Variants in GOLGA3 observed in about 807,000 individuals in gnomAD.
GOLGA3 encodes the protein golgin subfamily A member 3.
GOLGA3 carries 75 observed loss-of-function variants against 169.4 expected under a neutral mutation model. The ratio of observed to expected loss-of-function variants is 0.44; its 90% CI spans 0.37 to 0.54. GOLGA3 has a LOEUF of 0.54. GOLGA3 is among the 20% of genes least tolerant of loss of function. The pLI, the probability that GOLGA3 is intolerant of heterozygous loss-of-function variation, is 0.00. For synonymous variants in GOLGA3, 824 were observed against 822.4 expected (o/e 1.00, Z -0.03); for missense variants, 1,899 against 1,930.0 (o/e 0.98, Z 0.30).
intron 1 of GOLGA3, among the ~76,000 whole-genome samples, chr12:132,823,803 C>T (rs1013710883): frequency 1.4e-5 from 2 of 147,508 alleles, no homozygotes; most frequent in African/African-American, 5.0e-5. Context: ...AAAAAAAGGG[C>T]TGCGTGTGAT....
Position 132,821,981 on chromosome 12 carries a change from A to AAC in GOLGA3, c.133+13_133+14dup. On this transcript the variant is annotated intron_variant, in intron 2 of 23. Transcript: ENST00000450791. ...TCCTCCTGTGACCAGCACACAGAGG[A>AAC]ACCTCACGACTTACACTGGACTTTG... 6.3e-7 allele frequency: 1 copy of AAC among 1,579,720 alleles called. No individual in the cohort carries two copies. The highest frequency in any genetic ancestry group is 8.6e-7 in the Non-Finnish European group (1 of 1,161,422).
chr12:132,795,849 T>C lies in GOLGA3; in HGVS notation c.2469+3A>G, dbSNP rs1948801066. ...CAAAACAAAACACAGCAGAATGCATTACCTGGCCGGATTTGATAGCTAATT... is the reference window on the plus strand; with the variant it reads ...CAAAACAAAACACAGCAGAATGCATCACCTGGCCGGATTTGATAGCTAATT... On this transcript the variant is annotated splice_donor_region_variant and intron_variant, in intron 11 of 23. Coordinates refer to ENST00000450791, the MANE Select transcript of GOLGA3 (RefSeq NM_001389683.1). 1.2e-6 allele frequency: 2 copies of C among 1,610,124 alleles called. No homozygotes were observed. Among genetic ancestry groups the C allele is most frequent in the African/African-American group, 1.3e-5 (1 of 74,822 alleles).
In GOLGA3 at chr12:132,798,433, G is replaced by C. The variant is rs775013066; in HGVS notation, c.1845C>G (p.Leu615=). ...GCTGCTGGGACAGGGACACATTCTCGAGTTTCAGGTGCTCCAGGAGACCTG... is the reference window on the plus strand; with the variant it reads ...GCTGCTGGGACAGGGACACATTCTCCAGTTTCAGGTGCTCCAGGAGACCTG... ...TQAGLLEHLK[L]ENVSLSQQLT... is the part of the protein sequence containing the mutation. The change falls in exon 9 of 24, where the codon CTC becomes CTG. Residue 615 remains leucine (L), a synonymous_variant. Coordinates refer to ENST00000450791, the MANE Select transcript of GOLGA3 (RefSeq NM_001389683.1). 8.1e-6 allele frequency: 13 copies of C among 1,613,214 alleles called. No individual in the cohort carries two copies. Among genetic ancestry groups the C allele is most frequent in the Non-Finnish European group, 1.1e-5 (13 of 1,179,598 alleles).
chr12:132,791,846 C>T (rs1374195425), intron 11 of GOLGA3, among the ~76,000 whole-genome samples: 1 of 138,414 alleles, frequency 7.2e-6, no homozygotes, highest in Non-Finnish European at 1.6e-5. Flanking sequence ...GACACATCTG[C>T]AGAGTTGTTA....
intron 6 of GOLGA3, among the ~76,000 whole-genome samples, chr12:132,806,343 C>T (rs1376763753): frequency 6.6e-6 from 1 of 152,246 alleles, no homozygotes; most frequent in Non-Finnish European, 1.5e-5. Context: ...CGGAGGGAGG[C>T]TCACGCTGTA....
intron 12 of GOLGA3, among the ~76,000 whole-genome samples, chr12:132,790,986 G>A (rs1389815997): frequency 1.5e-5 from 2 of 137,036 alleles, no homozygotes; most frequent in African/African-American, 5.5e-5. Flanking sequence ...GGGAGGCAGA[G>A]CTTGCAGTGA....
chr12:132,802,812 T>C (rs1030054925), intron 7 of GOLGA3, among the ~76,000 whole-genome samples: 3 of 151,990 alleles, frequency 2.0e-5, no homozygotes, highest in African/African-American at 7.3e-5. Context: ...TCCCAGCACT[T>C]TGGGAGGCTG....
chr12:132,786,808 G>GT, intron 13 of GOLGA3, 21 bp from the exon 14 acceptor site: 1 of 1,524,262 alleles, frequency 6.6e-7, no homozygotes, highest in Non-Finnish European at 9.1e-7. Flanking sequence ...GAAGGAGGGC[G>GT]TGAGGAGCGG....
chr12:132,790,319 G>A (rs2046162014), intron 12 of GOLGA3, among the ~76,000 whole-genome samples: 1 of 152,136 alleles, frequency 6.6e-6, no homozygotes, highest in Non-Finnish European at 1.5e-5. Flanking sequence ...GGGGTACAGA[G>A]CGAGACTTCA....
In GOLGA3 at chr12:132,804,854, G is replaced by C. The variant is rs1248465300; in HGVS notation, c.1459C>G (p.Leu487Val). The change falls in exon 7 of 24, where the codon CTG (leucine) becomes GTG (valine). Residue 487 changes from leucine to valine, a missense_variant. Physicochemically the swap from Leu to Val is conservative, Grantham distance 32 (BLOSUM62 1). Transcript: ENST00000450791. The surrounding 1 kb of genome is among the most constrained non-coding windows in gnomAD (Gnocchi z 4.1). ...TTTTTTGCCTCCAGCATGTTCTGCAGGTCAGTCATGGCTCGCTCCAGGTCC... is the reference window on the plus strand; with the variant it reads ...TTTTTTGCCTCCAGCATGTTCTGCACGTCAGTCATGGCTCGCTCCAGGTCC... ...CWDLERAMTD[L>V]QNMLEAKNAS... 2 of 1,614,064 alleles carry C rather than the reference G, an allele frequency of 1.2e-6. No homozygotes were observed. Among genetic ancestry groups the C allele is most frequent in the African/African-American group, 2.7e-5 (2 of 74,944 alleles).
intron 8 of GOLGA3, 69 bp downstream of exon 8, chr12:132,801,698 A>T: frequency 7.0e-7 from 1 of 1,426,986 alleles, no homozygotes; most frequent in Non-Finnish European, 9.7e-7. Context: ...GAAAAATCTC[A>T]GGAAAAAGCA....
chr12:132,781,411 T>G (rs1266488167), intron 17 of GOLGA3, among the ~76,000 whole-genome samples: 1 of 151,484 alleles, frequency 6.6e-6, no homozygotes, highest in Non-Finnish European at 1.5e-5. Flanking sequence ...TATGAAAAAT[T>G]AGCTGGGCGC....
chr12:132,803,149 A>C (rs1405476106), intron 7 of GOLGA3, among the ~76,000 whole-genome samples: 1 of 152,196 alleles, frequency 6.6e-6, no homozygotes, highest in Non-Finnish European at 1.5e-5. Flanking sequence ...TACCCCCCAA[A>C]GCACAAACAT....
intron 16 of GOLGA3, among the ~76,000 whole-genome samples, chr12:132,783,519 G>A (rs1206146732): frequency 2.6e-5 from 4 of 152,248 alleles, no homozygotes; most frequent in African/African-American, 9.6e-5. Flanking sequence ...GGGGGGCGCC[G>A]GGACACTGAG....
chr12:132,791,413 T>A, intron 11 of GOLGA3, 120 bp from the exon 12 acceptor site: 2 of 596,336 alleles, frequency 3.4e-6, no homozygotes, highest in East Asian at 5.8e-5. Context: ...TACAGAGAGC[T>A]CCAGGAGGGG....
Position 132,801,752 on chromosome 12 carries a change from A to AG in GOLGA3, c.1800+14dup. 2 of 1,607,534 alleles carry AG rather than the reference A, an allele frequency of 1.2e-6. No individual in the cohort carries two copies. Among genetic ancestry groups the AG allele is most frequent in the South Asian group, 2.2e-5 (2 of 90,976 alleles). On this transcript the variant is annotated intron_variant, in intron 8 of 23. Transcript: ENST00000450791. ...AGAAGCGTGACCTGCCCTGGAAGGT[A>AG]GATGTGGGCCGTACCTGGATGTGGG... is the stretch of plus-strand genomic sequence containing the variant.
At position 132,813,400 on chromosome 12, in the gene GOLGA3, C is replaced by T. The variant is rs146835680; in HGVS notation, c.426G>A (p.Leu142=). ...ETQLCSTDSP[L]PLEKEEQVRL... ...GGACCTGCTCCTCCTTCTCCAGGGGCAGGGGAGAATCTGTAGAGCCTGCAG... is the reference window on the plus strand; with the variant it reads ...GGACCTGCTCCTCCTTCTCCAGGGGTAGGGGAGAATCTGTAGAGCCTGCAG... Residue 142 remains leucine (L), a synonymous_variant, in exon 4 of 24, where the codon CTG becomes CTA. Coordinates refer to ENST00000450791, the MANE Select transcript of GOLGA3 (RefSeq NM_001389683.1). 140 of 1,610,848 alleles carry T rather than the reference C, an allele frequency of 8.7e-5. No individual in the cohort carries two copies. Among genetic ancestry groups the T allele is most frequent in the Non-Finnish European group, 1.0e-4 (120 of 1,177,978 alleles).
intron 7 of GOLGA3, 69 bp from the exon 8 acceptor site, chr12:132,802,038 G>T: frequency 2.4e-6 from 3 of 1,246,314 alleles, no homozygotes; most frequent in Non-Finnish European, 3.4e-6. Flanking sequence ...CTCCGCGCGT[G>T]CGGGACACAA....
chr12:132,808,397 G>A lies in GOLGA3; in HGVS notation c.672C>T (p.Gly224=), dbSNP rs1298964690. The A allele has an allele frequency of 6.2e-7, 1 of 1,614,082 alleles. No individual in the cohort carries two copies. The highest frequency in any genetic ancestry group is 1.6e-4 in the Middle Eastern group (1 of 6,062). ...TAGGATGTGCCGGAAGCCCCAGGCTGCCCACCTTAGGCCCCCGAGGGACAC... is the reference window on the plus strand; with the variant it reads ...TAGGATGTGCCGGAAGCCCCAGGCTACCCACCTTAGGCCCCCGAGGGACAC... ...RTSVPRGPKV[G]SLGLPAHPRE... The change falls in exon 5 of 24, where the codon GGC becomes GGT. Residue 224 remains glycine, a synonymous_variant. Transcript: ENST00000450791.
Sources: allele counts gnomAD v4.1 joint callset (sites outside exome capture counted in the v4.1 genomes callset), GRCh38; gene constraint gnomAD v4.1.1; non-coding constraint Gnocchi (gnomAD v3.1); transcripts MANE v1.5; gene names NCBI Gene and HGNC (gene_info 2026-07-23, HGNC 2026-07-21).